Variants in CNTNAP2 observed in about 807,000 individuals in gnomAD.
CNTNAP2 encodes contactin associated protein 2.
A neutral mutation model predicts 155.2 loss-of-function variants in CNTNAP2; 98 were observed. The observed-to-expected ratio is 0.63, with a 90% CI of 0.54 to 0.75. CNTNAP2 has a LOEUF of 0.75. CNTNAP2 is among the 30% of genes least tolerant of loss of function. The pLI is 0.00. For synonymous variants in CNTNAP2, 651 were observed against 631.2 expected (o/e 1.03, Z -0.47); for missense variants, 1,727 against 1,688.1 (o/e 1.02, Z -0.40).
At chr7:147,385,803 A>G (rs1287729924) in intron 9 of CNTNAP2, among the ~76,000 whole-genome samples, 3 of 152,174 alleles carry the variant, frequency 2.0e-5, no homozygotes, top group African/African-American at 4.8e-5. Context: ...CTCCTCTCAC[A>G]GCTCCACTAG....
chr7:147,852,145 A>G (rs1420088678), intron 13 of CNTNAP2, among the ~76,000 whole-genome samples: 2 of 152,176 alleles, frequency 1.3e-5, no homozygotes, highest in Non-Finnish European at 1.5e-5. Context: ...GGTTGTTATC[A>G]CATGGCCGAA....
intron 8 of CNTNAP2, among the ~76,000 whole-genome samples, chr7:147,298,405 C>T (rs1166672931): frequency 1.3e-5 from 2 of 150,968 alleles, no homozygotes; most frequent in Non-Finnish European, 2.9e-5. Flanking sequence ...GCCTAGGAAA[C>T]AAGAGTGAAA....
chr7:146,397,879 TA>T (rs1462087463), intron 1 of CNTNAP2, among the ~76,000 whole-genome samples: 7 of 115,754 alleles, frequency 6.0e-5, no homozygotes, highest in African/African-American at 1.3e-4. Flanking sequence ...GGCTTTTATT[TA>T]TTTATTTATT....
At chr7:147,255,460 G>A (rs1301059926) in intron 8 of CNTNAP2, among the ~76,000 whole-genome samples, 3 of 151,866 alleles carry the variant, frequency 2.0e-5, no homozygotes, top group Non-Finnish European at 4.4e-5. Flanking sequence ...GACCTCGAGT[G>A]ATCTGCCCGC....
chr7:147,197,048 G>A (rs183932176), intron 8 of CNTNAP2, among the ~76,000 whole-genome samples: 116 of 152,186 alleles, frequency 7.6e-4, no homozygotes, highest in Middle Eastern at 3.4e-3. Context: ...TGGAGGATAC[G>A]CCCTTTGCAA....
chr7:147,802,490 A>G (rs1344978711), intron 13 of CNTNAP2, among the ~76,000 whole-genome samples: 1 of 152,180 alleles, frequency 6.6e-6, no homozygotes, highest in Non-Finnish European at 1.5e-5. Context: ...GGCACCATTG[A>G]GCACTGAGTG....
At chr7:146,576,765 T>G (rs1236648313) in intron 1 of CNTNAP2, among the ~76,000 whole-genome samples, 1 of 152,160 alleles carries the variant, frequency 6.6e-6, no homozygotes, top group Non-Finnish European at 1.5e-5. Flanking sequence ...GTTCTAGAGA[T>G]GATTTTGTAA....
chr7:147,163,916 G>A (rs989542094), intron 8 of CNTNAP2, among the ~76,000 whole-genome samples: 1 of 152,122 alleles, frequency 6.6e-6, no homozygotes, highest in Non-Finnish European at 1.5e-5. Flanking sequence ...AAAAAAATGA[G>A]ATTCATTCGA....
chr7:147,391,085 T>G (rs1015087344), intron 9 of CNTNAP2, among the ~76,000 whole-genome samples: 2 of 152,120 alleles, frequency 1.3e-5, no homozygotes, highest in Non-Finnish European at 2.9e-5. Context: ...ACTTCCCAAG[T>G]ACAGTTGTCA....
At chr7:147,501,145 C>A (rs1005157678) in intron 11 of CNTNAP2, among the ~76,000 whole-genome samples, 3 of 151,786 alleles carry the variant, frequency 2.0e-5, no homozygotes, top group Non-Finnish European at 4.4e-5. Flanking sequence ...ATGATCATTT[C>A]AACAGACACA....
chr7:148,194,714 G>A (rs1026486574), intron 18 of CNTNAP2, among the ~76,000 whole-genome samples: 8 of 152,150 alleles, frequency 5.3e-5, no homozygotes, highest in African/African-American at 1.2e-4. Context: ...TGGGGTGGGC[G>A]GAGTCCCAGG....
Position 147,348,230 on chromosome 7 carries a change from G to A in CNTNAP2, c.1499-47379G>A, listed in dbSNP as rs558412299. Among the ~76,000 whole-genome samples the A allele has an allele frequency of 2.0e-5, 3 of 152,034 alleles. No individual in the cohort carries two copies. The East Asian group carries it at 5.8e-4, about 29-fold the overall frequency. Reference sequence around the variant, plus strand: ...ATAATCAACAGAGTAAAAGCCTACAGAATGGAAGAAATATTTTCCATCTAC... The same window carrying A: ...ATAATCAACAGAGTAAAAGCCTACAAAATGGAAGAAATATTTTCCATCTAC... On this transcript the variant is annotated intron_variant, in intron 9 of 23. Transcript: ENST00000361727.
intron 18 of CNTNAP2, among the ~76,000 whole-genome samples, chr7:148,179,220 C>T (rs990313370): frequency 1.3e-5 from 2 of 152,136 alleles, no homozygotes; most frequent in East Asian, 1.9e-4. Flanking sequence ...GACAAGAAAG[C>T]GCTGATTAGC....
intron 21 of CNTNAP2, among the ~76,000 whole-genome samples, chr7:148,341,702 G>T (rs1798239159): frequency 6.6e-6 from 1 of 152,144 alleles, no homozygotes; most frequent in Non-Finnish European, 1.5e-5. Flanking sequence ...CCGGATGTCT[G>T]AGCTCAAGAC....
chr7:147,580,228 A>G (rs6949493), intron 12 of CNTNAP2, among the ~76,000 whole-genome samples: 86,427 of 151,898 alleles, frequency 0.57, 25,170 homozygotes, highest in East Asian at 0.73. Flanking sequence ...CCCTCAAAGA[A>G]GACAAGCTGT....
intron 8 of CNTNAP2, among the ~76,000 whole-genome samples, chr7:147,138,207 A>G (rs1264190290): frequency 6.6e-6 from 1 of 151,904 alleles, no homozygotes; most frequent in East Asian, 1.9e-4. Flanking sequence ...GCGAAAATGG[A>G]GCCTAAGAAA....
chr7:146,727,986 T>G (rs73168736), intron 1 of CNTNAP2, among the ~76,000 whole-genome samples: 4,865 of 152,184 alleles, frequency 0.032, 114 homozygotes, highest in East Asian at 0.12. Context: ...GTTATGTTGT[T>G]GCTCACTAAG....
At chr7:146,667,408 T>G (rs1800214515) in intron 1 of CNTNAP2, among the ~76,000 whole-genome samples, 1 of 152,172 alleles carries the variant, frequency 6.6e-6, no homozygotes, top group African/African-American at 2.4e-5. Context: ...TTAAATCTGG[T>G]AATATGATGC....
chr7:147,024,230 A>C (rs1798861932), intron 3 of CNTNAP2, among the ~76,000 whole-genome samples: 1 of 152,232 alleles, frequency 6.6e-6, no homozygotes. Context: ...TATTACGTTT[A>C]AAGAGAAAAA....
Sources: gnomAD v4.1 joint callset for allele counts (sites outside exome capture counted in the v4.1 genomes callset) on GRCh38, gnomAD v4.1.1 for gene constraint, MANE v1.5 for transcripts, NCBI Gene and HGNC (gene_info 2026-07-23, HGNC 2026-07-21) for gene names.